Variants in RPUSD1 observed in about 807,000 individuals in gnomAD.
The protein encoded by RPUSD1 is RNA pseudouridine synthase domain containing 1.
RPUSD1 carries 28 observed loss-of-function variants against 22.4 expected under a neutral mutation model. That is an observed-to-expected ratio of 1.25 (90% confidence interval 0.93 to 1.72). The LOEUF (loss-of-function observed/expected upper bound fraction) is 1.72. Among genes scored for constraint, RPUSD1 ranks in the 40% most tolerant of loss-of-function variants. RPUSD1 has a pLI of 0.00. For synonymous variants in RPUSD1, 298 were observed against 201.0 expected, an observed-to-expected ratio of 1.48 and a Z score of -4.08; for missense variants, 596 against 442.2, an observed-to-expected ratio of 1.35 and a Z score of -3.12.
intron 1 of RPUSD1, 185 bp downstream of exon 1, chr16:788,071 G>A (rs948250663): frequency 1.6e-5 from 8 of 492,148 alleles, no homozygotes; most frequent in African/African-American, 1.4e-4. Context: ...TCTGCCCGAC[G>A]GTGGGGGCGG....
At chr16:788,202 A>C in intron 1 of RPUSD1, 54 bp downstream of exon 1, 1 of 402,224 alleles carries the variant, frequency 2.5e-6, no homozygotes, top group East Asian at 1.1e-4. Flanking sequence ...CCCGGTGGGC[A>C]GGCCGACCCT....
Position 786,178 on chromosome 16 carries a change from G to A in RPUSD1, c.711C>T (p.Cys237=). 1 of 1,612,592 alleles carries A rather than the reference G, an allele frequency of 6.2e-7. No homozygotes were observed. Among genetic ancestry groups the A allele is most frequent in the Non-Finnish European group, 8.5e-7 (1 of 1,179,826 alleles). The part of the protein sequence containing the change: ...PDPFLPSLDA[C]WSPHTLLQSL... ...ACTGCAGCAGTGTGTGGGGGCTCCA[G>A]CAGGCATCCAGGGAGGGCAGGAAGG... is the stretch of plus-strand genomic sequence containing the variant. Residue 237 remains cysteine, a synonymous_variant, in exon 6 of 6, where the codon TGC becomes TGT. Coordinates refer to ENST00000007264, the MANE Select transcript of RPUSD1 (RefSeq NM_058192.3).
intron 5 of RPUSD1, 115 bp from the exon 6 acceptor site, chr16:786,492 T>C (rs534138312): frequency 2.2e-4 from 227 of 1,049,910 alleles, no homozygotes; most frequent in Middle Eastern, 1.6e-3. Context: ...AGCAGCCTCT[T>C]GGGGTGGAAC....
At position 786,478 on chromosome 16, in the gene RPUSD1, T is replaced by C. The variant is rs992609422; in HGVS notation, c.512-101A>G. ...CTCCCGTCATGACCCCGCTGCAGTC[T>C]TGAAGCAGCCTCTTGGGGTGGAACT... is the stretch of plus-strand genomic sequence containing the variant. On this transcript the variant is annotated intron_variant, in intron 5 of 5. Transcript: ENST00000007264. The C allele has an allele frequency of 1.8e-5, 22 of 1,192,198 alleles. No individual in the cohort carries two copies. The African/African-American group carries it at 2.1e-4, about 11-fold the overall frequency. The allele number at this position is 1,192,198 out of a possible 1,614,324, so 73.9% of individuals were successfully genotyped here.
intron 5 of RPUSD1, 178 bp from the exon 6 acceptor site, chr16:786,555 G>A (rs560236188): frequency 2.6e-6 from 2 of 770,516 alleles, no homozygotes; most frequent in Non-Finnish European, 2.2e-6. Context: ...ACAGAAGATT[G>A]TGTTCAGGTC....
rs755607592 is a variant in RPUSD1 at position 786,061 on chromosome 16, C to A, written c.828G>T (p.Leu276=). 1.3e-6 allele frequency: 2 copies of A among 1,543,098 alleles called. No individual in the cohort carries two copies. Among genetic ancestry groups the A allele is most frequent in the African/African-American group, 1.4e-5 (1 of 73,606 alleles). The part of the protein sequence containing the change: ...GPRPGSPSAL[L]PGPGRPPPPP... ...GTGGAGGAGGCCGGCCGGGCCCAGG[C>A]AGGAGTGCGGAGGGGCTGCCTGGCC... The change falls in exon 6 of 6, where the codon CTG becomes CTT. Residue 276 remains leucine (L), a synonymous_variant. Coordinates refer to ENST00000007264, the MANE Select transcript of RPUSD1 (RefSeq NM_058192.3).
In RPUSD1 at chr16:786,380, G is replaced by A; in HGVS notation, c.512-3C>T. 6.2e-7 allele frequency: 1 copy of A among 1,601,656 alleles called. No individual in the cohort carries two copies. The highest frequency in any genetic ancestry group is 8.5e-7 in the Non-Finnish European group (1 of 1,173,098). On this transcript the variant is annotated splice_region_variant and splice_polypyrimidine_tract_variant and intron_variant, in intron 5 of 5. Coordinates refer to ENST00000007264, the MANE Select transcript of RPUSD1 (RefSeq NM_058192.3). ...CACGCGCAGCTGGTGTGTCCGGCCT[G>A]CGGGATGAGGGCGGTGCCGGATCAA...
chr16:786,505 TCC>T, intron 5 of RPUSD1, 128 bp from the exon 6 acceptor site: 2 of 907,550 alleles, frequency 2.2e-6, no homozygotes, highest in Admixed American at 4.2e-5. Flanking sequence ...GGTGGAACTC[TCC>T]CTGTCCCCTG....
rs1427453173 is a variant in RPUSD1, at chr16:788,331, C to T, written c.-83G>A. The T allele has an allele frequency of 9.2e-6, 2 of 218,524 alleles. No individual in the cohort carries two copies. The highest frequency in any genetic ancestry group is 5.2e-5 in the South Asian group (1 of 19,238). 13.5% of individuals were successfully genotyped at this position (218,524 alleles called of 1,614,324 possible). ...CTCCAGCCGCGCGCCCGCGCGCTGG[C>T]GACCCAGAGACCCTGGAAGCTCCGC... On this transcript the variant is annotated 5_prime_UTR_variant, in exon 1 of 6. Coordinates refer to ENST00000007264, the MANE Select transcript of RPUSD1 (RefSeq NM_058192.3).
Position 785,668 on chromosome 16 carries a change from G to C in RPUSD1, c.*282C>G, listed in dbSNP as rs2041876487. ...AGAGCCGGAAGCTGTTCCAGGAGGAGGGAGGGGCCTCGGTTTCTCCCGGGG... is the reference window on the plus strand; with the variant it reads ...AGAGCCGGAAGCTGTTCCAGGAGGACGGAGGGGCCTCGGTTTCTCCCGGGG... On this transcript the variant is annotated 3_prime_UTR_variant, in exon 6 of 6. Transcript: ENST00000007264. 2.7e-6 allele frequency: 1 copy of C among 376,030 alleles called. No individual in the cohort carries two copies. The highest frequency in any genetic ancestry group is 4.4e-5 in the Admixed American group (1 of 22,746). The allele number at this position is 376,030 out of a possible 1,614,324, so 23.3% of individuals were successfully genotyped here.
In RPUSD1 at chr16:785,892, C is replaced by T; in HGVS notation, c.*58G>A. ...GAGCCAGTGAGCAGACGCTCGCTCGCCCATCTCCCTAGAGTCCCGCTGTGC... is the reference window on the plus strand; with the variant it reads ...GAGCCAGTGAGCAGACGCTCGCTCGTCCATCTCCCTAGAGTCCCGCTGTGC... On this transcript the variant is annotated 3_prime_UTR_variant, in exon 6 of 6. Transcript: ENST00000007264. 3 of 1,345,582 alleles carry T rather than the reference C, an allele frequency of 2.2e-6. No homozygotes were observed. Among genetic ancestry groups the T allele is most frequent in the Non-Finnish European group, 2.9e-6 (3 of 1,036,226 alleles). 83.4% of individuals were successfully genotyped at this position (1,345,582 alleles called of 1,614,324 possible). A position where few individuals can be genotyped will look rare whatever the true frequency, so the allele number is the denominator to read the frequency against.
chr16:786,802 A>C (rs1489498565), intron 5 of RPUSD1, 25 bp downstream of exon 5: 1 of 1,591,376 alleles, frequency 6.3e-7, no homozygotes, highest in Middle Eastern at 1.7e-4. Context: ...TGTCACCACC[A>C]GGACACCGCC....
At chr16:788,084 AG>A in intron 1 of RPUSD1, 171 bp downstream of exon 1, 1 of 482,110 alleles carries the variant, frequency 2.1e-6, no homozygotes, top group Non-Finnish European at 3.9e-6. Flanking sequence ...GGGGGCGGGG[AG>A]GGGCTGCAGC....
Position 786,079 on chromosome 16 carries a change from G to A in RPUSD1, c.810C>T (p.Gly270=). 1 of 1,564,974 alleles carries A rather than the reference G, an allele frequency of 6.4e-7. No individual in the cohort carries two copies. Among genetic ancestry groups the A allele is most frequent in the Non-Finnish European group, 8.7e-7 (1 of 1,152,566 alleles). The change falls in exon 6 of 6, where the codon GGC becomes GGT. Residue 270 remains glycine, a synonymous_variant. Transcript: ENST00000007264. ...PDPEDRGPRP[G]SPSALLPGPG... ...GCCCAGGCAGGAGTGCGGAGGGGCTGCCTGGCCTGGGGCCCCTATCCTCGG... is the reference window on the plus strand; with the variant it reads ...GCCCAGGCAGGAGTGCGGAGGGGCTACCTGGCCTGGGGCCCCTATCCTCGG...
Position 786,009 on chromosome 16 carries a change from C to T in RPUSD1, c.880G>A (p.Ala294Thr). The change falls in exon 6 of 6, where the codon GCA (alanine) becomes ACA (threonine). Residue 294 changes from alanine (A) to threonine (T), a missense_variant. Coordinates refer to ENST00000007264, the MANE Select transcript of RPUSD1 (RefSeq NM_058192.3). Reference sequence around the variant, plus strand: ...CACTGCAGGCAGGGGCCCCGCTGTGCCTCAGTCTCAGGGGGCTTGGTTGGG... The same window carrying T: ...CACTGCAGGCAGGGGCCCCGCTGTGTCTCAGTCTCAGGGGGCTTGGTTGGG... ...PPPTKPPETE[A>T]QRGPCLQWLS... is the part of the protein sequence containing the mutation. The T allele has an allele frequency of 1.4e-6, 2 of 1,474,904 alleles. No individual in the cohort carries two copies. The highest frequency in any genetic ancestry group is 1.8e-6 in the Non-Finnish European group (2 of 1,117,354). 91.4% of individuals were successfully genotyped at this position (1,474,904 alleles called of 1,614,324 possible).
intron 5 of RPUSD1, 93 bp from the exon 6 acceptor site, chr16:786,470 C>T: frequency 1.8e-5 from 24 of 1,319,592 alleles, no homozygotes; most frequent in Non-Finnish European, 2.5e-5. Flanking sequence ...CATGACCCCG[C>T]TGCAGTCTTG....
Position 788,289 on chromosome 16 carries a change from GCCGTGCCCGGCGC to G in RPUSD1, c.-54_-42del. On this transcript the variant is annotated 5_prime_UTR_variant, in exon 1 of 6. Coordinates refer to ENST00000007264, the MANE Select transcript of RPUSD1 (RefSeq NM_058192.3). Reference sequence around the variant, plus strand: ...GGGCCGTGCAGTCCAGGCCCCCGATGCCGTGCCCGGCGCCGGCTCCAGCCGCGCGCCCGCGCGC... The same window carrying G: ...GGGCCGTGCAGTCCAGGCCCCCGATGCGGCTCCAGCCGCGCGCCCGCGCGC... 4.1e-6 allele frequency: 1 copy of G among 245,604 alleles called. No individual in the cohort carries two copies. Among genetic ancestry groups the G allele is most frequent in the South Asian group, 3.7e-5 (1 of 26,726 alleles). 15.2% of individuals were successfully genotyped at this position (245,604 alleles called of 1,614,324 possible). A position where few individuals can be genotyped will look rare whatever the true frequency, so the allele number is the denominator to read the frequency against.
Position 786,856 on chromosome 16 carries a change from A to G in RPUSD1, c.482T>C (p.Val161Ala), listed in dbSNP as rs760545296. The change falls in exon 5 of 6, where the codon GTC becomes GCC. Residue 161 changes from valine (V) to alanine (A), a missense_variant. By Grantham distance (64) the Val-to-Ala change is moderately conservative (BLOSUM62 0). Transcript: ENST00000007264. ...LEHGLYAGDP[V>A]SKVLLKPLTG... Reference sequence around the variant, plus strand: ...GAGCGGCTTCAGCAGCACTTTGGAGACAGGATCGCCTGCGTACAGCCCGTG... The same window carrying G: ...GAGCGGCTTCAGCAGCACTTTGGAGGCAGGATCGCCTGCGTACAGCCCGTG... 3 of 1,612,970 alleles carry G rather than the reference A, an allele frequency of 1.9e-6. No homozygotes were observed. In the African/African-American group the frequency reaches 4.0e-5, roughly 22 times the overall value.
chr16:787,784 G>A lies in RPUSD1; in HGVS notation c.-7-40C>T, dbSNP rs774444020. The A allele has an allele frequency of 2.1e-5, 34 of 1,588,466 alleles. No individual in the cohort carries two copies. The African/African-American group carries it at 3.1e-4, about 14-fold the overall frequency. Reference sequence around the variant, plus strand: ...GTGGGTGCGTGTGCTGTGAGCACGTGGTGCGCCCCCAGCCCAGCATACAGA... The same window carrying A: ...GTGGGTGCGTGTGCTGTGAGCACGTAGTGCGCCCCCAGCCCAGCATACAGA... On this transcript the variant is annotated intron_variant, in intron 1 of 5. Transcript: ENST00000007264.
Sources: allele counts gnomAD v4.1 joint callset, GRCh38; gene constraint gnomAD v4.1.1; transcripts MANE v1.5; gene names NCBI Gene and HGNC (gene_info 2026-07-23, HGNC 2026-07-21).